FGF12: variants seen among roughly 807,000 people sequenced by gnomAD.
FGF12 encodes fibroblast growth factor 12B.
In FGF12, 14 loss-of-function variants were observed where a neutral mutation model predicts 23.6. That is an observed-to-expected ratio of 0.59 (90% confidence interval 0.39 to 0.93). FGF12 has a LOEUF of 0.93. Ranked by LOEUF, FGF12 falls within the 40% of genes least tolerant of loss-of-function variation. The pLI is 0.00. For missense variants in FGF12, 175 were observed against 217.8 expected (o/e 0.80, Z 1.24); for synonymous variants, 62 against 77.3 (o/e 0.80, Z 1.04).
At chr3:192,338,822 T>G (rs758863142) in intron 3 of FGF12, among the ~76,000 whole-genome samples, 1 of 152,176 alleles carries the variant, frequency 6.6e-6, no homozygotes, top group African/African-American at 2.4e-5. Context: ...AGAATTAATA[T>G]GCAAGATATG....
At chr3:192,479,020 A>G (rs988425391) in intron 2 of FGF12, among the ~76,000 whole-genome samples, 3 of 152,242 alleles carry the variant, frequency 2.0e-5, no homozygotes. Context: ...ATGGAAGCCT[A>G]AAAGAGGCAT....
chr3:192,655,109 G>A (rs1336008016), intron 2 of FGF12, among the ~76,000 whole-genome samples: 1 of 152,206 alleles, frequency 6.6e-6, no homozygotes, highest in South Asian at 2.1e-4. Flanking sequence ...GTCCTATTTT[G>A]TATATGGTGT....
At chr3:192,275,072 A>C (rs13321290) in intron 4 of FGF12, among the ~76,000 whole-genome samples, 54,233 of 151,982 alleles carry the variant, frequency 0.36, 10,771 homozygotes, top group East Asian at 0.9. Flanking sequence ...TCTTTTGTTC[A>C]GTACCTGGCA....
chr3:192,465,102 A>G (rs1310770535), intron 2 of FGF12, among the ~76,000 whole-genome samples: 3 of 152,204 alleles, frequency 2.0e-5, no homozygotes, highest in Admixed American at 6.5e-5. Flanking sequence ...ACTGGCATCT[A>G]AATTGGGGCA....
At chr3:192,191,386 A>C (rs1013497254) in intron 4 of FGF12, among the ~76,000 whole-genome samples, 3 of 152,208 alleles carry the variant, frequency 2.0e-5, no homozygotes, top group African/African-American at 7.2e-5. Flanking sequence ...TTGGTTGATA[A>C]TGATATGTCA....
intron 2 of FGF12, among the ~76,000 whole-genome samples, chr3:192,689,228 G>A (rs1717865304): frequency 6.6e-6 from 1 of 151,972 alleles, no homozygotes; most frequent in Non-Finnish European, 1.5e-5. Flanking sequence ...TAGCTGGAAG[G>A]GAGAATTTGA....
chr3:192,248,817 A>G (rs1711812426), intron 4 of FGF12, among the ~76,000 whole-genome samples: 2 of 152,138 alleles, frequency 1.3e-5, no homozygotes, highest in Admixed American at 1.3e-4. Flanking sequence ...CTAAGAGTTA[A>G]TTCTTTAGAA....
chr3:192,445,732 T>C (rs1415195426), intron 2 of FGF12, among the ~76,000 whole-genome samples: 1 of 152,190 alleles, frequency 6.6e-6, no homozygotes, highest in Non-Finnish European at 1.5e-5. Context: ...CAAACTCTTA[T>C]GAGTTTGCTC....
chr3:192,508,184 G>T (rs1724369028), intron 2 of FGF12, among the ~76,000 whole-genome samples: 1 of 152,186 alleles, frequency 6.6e-6, no homozygotes, highest in African/African-American at 2.4e-5. Context: ...TGAGTGGAGG[G>T]GGTAGGTCGG....
chr3:192,408,792 A>T lies in FGF12; in HGVS notation c.14-48254T>A. On this transcript the variant is annotated intron_variant, in intron 2 of 5. Transcript: ENST00000445105. The surrounding 1 kb of genome is among the most constrained non-coding windows in gnomAD (Gnocchi z 7.3). ...ACGTTCCTTTAGAAAACAAGCCACC[A>T]ACCGCACGAGAGAAGGAGAGGAAGG... 1 of 985,972 alleles carries T rather than the reference A, an allele frequency of 1.0e-6. No individual in the cohort carries two copies. The highest frequency in any genetic ancestry group is 1.2e-6 in the Non-Finnish European group (1 of 830,352). 61.1% of individuals were successfully genotyped at this position (985,972 alleles called of 1,614,324 possible).
intron 2 of FGF12, among the ~76,000 whole-genome samples, chr3:192,365,580 T>A (rs979932573): frequency 2.0e-5 from 3 of 152,046 alleles, no homozygotes; most frequent in African/African-American, 4.8e-5. Flanking sequence ...TTAAAAAAAA[T>A]TCTAAGATAA....
intron 4 of FGF12, among the ~76,000 whole-genome samples, chr3:192,275,393 C>T (rs2108633326): frequency 6.6e-6 from 1 of 152,258 alleles, no homozygotes; most frequent in Non-Finnish European, 1.5e-5. Flanking sequence ...TATATGTTTT[C>T]CTCTACCCTT....
chr3:192,447,515 T>C (rs947647391), intron 2 of FGF12, among the ~76,000 whole-genome samples: 3 of 152,214 alleles, frequency 2.0e-5, no homozygotes, highest in Admixed American at 1.3e-4. Flanking sequence ...TGCTAACATT[T>C]GATGCATTTT....
intron 2 of FGF12, among the ~76,000 whole-genome samples, chr3:192,726,374 AAGG>A (rs1191400154): frequency 6.6e-5 from 10 of 152,174 alleles, no homozygotes; most frequent in Non-Finnish European, 1.3e-4. Context: ...TGGGCGTTTT[AAGG>A]AGAAGGAGAA....
chr3:192,423,707 G>T (rs1404039787), intron 2 of FGF12, among the ~76,000 whole-genome samples: 1 of 152,122 alleles, frequency 6.6e-6, no homozygotes, highest in African/African-American at 2.4e-5. Flanking sequence ...CAGAAACACA[G>T]CCTAGGCCTC....
intron 2 of FGF12, among the ~76,000 whole-genome samples, chr3:192,366,030 CAG>C (rs1718969783): frequency 6.7e-6 from 1 of 150,274 alleles, no homozygotes; most frequent in South Asian, 2.1e-4. Flanking sequence ...CTCGGAGAGA[CAG>C]TGTCTTATCC....
intron 5 of FGF12, among the ~76,000 whole-genome samples, chr3:192,148,647 C>A (rs1713859659): frequency 6.6e-6 from 1 of 152,082 alleles, no homozygotes; most frequent in South Asian, 2.1e-4. Flanking sequence ...AACAAACAAA[C>A]AACTTGTCCT....
At chr3:192,683,433 A>G (rs1717616285) in intron 2 of FGF12, among the ~76,000 whole-genome samples, 1 of 152,202 alleles carries the variant, frequency 6.6e-6, no homozygotes, top group African/African-American at 2.4e-5. Context: ...CTGTGGTGGC[A>G]GCATCGGTGT....
chr3:192,534,028 C>T (rs537471946), intron 2 of FGF12: 52 of 172,518 alleles, frequency 3.0e-4, no homozygotes, highest in Non-Finnish European at 5.9e-4. Flanking sequence ...GGTAATGTGC[C>T]GATGTCTTGA....
Sources: gnomAD v4.1 joint callset for allele counts (sites outside exome capture counted in the v4.1 genomes callset) on GRCh38, gnomAD v4.1.1 for gene constraint, Gnocchi (gnomAD v3.1) non-coding constraint, MANE v1.5 for transcripts, NCBI Gene and HGNC (gene_info 2026-07-23, HGNC 2026-07-21) for gene names.